The following CDH4 variants were observed in gnomAD, a reference collection of about 807,000 sequenced individuals.
CDH4 encodes the protein cadherin 4.
A neutral mutation model predicts 86.0 loss-of-function variants in CDH4; 33 were observed. That is an observed-to-expected ratio of 0.38 (90% CI 0.29 to 0.51). The LOEUF (loss-of-function observed/expected upper bound fraction) is 0.51, where lower values mean the gene tolerates loss of function less well. Ranked by LOEUF, CDH4 falls within the 20% of genes least tolerant of loss-of-function variation. The pLI, the probability that CDH4 is intolerant of heterozygous loss-of-function variation, is 0.86. For synonymous variants in CDH4, 555 were observed against 549.4 expected (o/e 1.01, Z -0.14); for missense variants, 1,114 against 1,307.4 (o/e 0.85, Z 2.28).
At chr20:61,762,051 A>G (rs1157733953) in intron 3 of CDH4, among the ~76,000 whole-genome samples, 1 of 152,234 alleles carries the variant, frequency 6.6e-6, no homozygotes, top group Non-Finnish European at 1.5e-5. Context: ...CCCAGGGCCC[A>G]CCTGGCTCTG....
At chr20:61,384,984 C>A (rs1245864105) in intron 2 of CDH4, among the ~76,000 whole-genome samples, 1 of 152,196 alleles carries the variant, frequency 6.6e-6, no homozygotes, top group African/African-American at 2.4e-5. Context: ...CATGGGATAT[C>A]ACTGGTGAGA....
intron 2 of CDH4, among the ~76,000 whole-genome samples, chr20:61,285,036 C>T (rs7264432): frequency 0.12 from 17,628 of 152,076 alleles, 1,099 homozygotes; most frequent in South Asian, 0.13. Flanking sequence ...TACTTTATGC[C>T]CCCATTTTTG....
At chr20:61,747,789 G>A (rs534431492) in intron 3 of CDH4, among the ~76,000 whole-genome samples, 50 of 152,286 alleles carry the variant, frequency 3.3e-4, no homozygotes, top group African/African-American at 1.2e-3. Flanking sequence ...CAGTAAGAAG[G>A]TCTAATGTGT....
At chr20:61,818,790 C>T (rs1445644093) in intron 4 of CDH4, among the ~76,000 whole-genome samples, 1 of 151,606 alleles carries the variant, frequency 6.6e-6, no homozygotes, top group South Asian at 2.1e-4. Context: ...GGATGGTGGG[C>T]GGAAAGGAGC....
chr20:61,653,886 TCCTCACTTCCTAGATGGGATGGC>T (rs1440573517), intron 2 of CDH4, among the ~76,000 whole-genome samples: 1 of 127,028 alleles, frequency 7.9e-6, no homozygotes, highest in Non-Finnish European at 1.8e-5. Context: ...GCAGAGACGC[TCCTCACTTCCTAGATGGGATGGC>T]GGCCGCGCAG....
chr20:61,502,058 A>C (rs796953166), intron 2 of CDH4, among the ~76,000 whole-genome samples: 20 of 150,350 alleles, frequency 1.3e-4, no homozygotes, highest in African/African-American at 4.9e-4. Context: ...TTTCATGGTC[A>C]AACTTGTGCA....
intron 8 of CDH4, among the ~76,000 whole-genome samples, chr20:61,897,431 A>G (rs1003973015): frequency 1.3e-5 from 2 of 151,926 alleles, no homozygotes; most frequent in Admixed American, 1.3e-4. Flanking sequence ...AGCACTGATC[A>G]GCCACCAGCG....
chr20:61,653,913 C>T lies in CDH4; in HGVS notation c.170-89650C>T, dbSNP rs1427108818. ...CTCACTTCCTAGATGGGATGGCGGC[C>T]GCGCAGAGACACTCCTCACTTTCCA... On this transcript the variant is annotated intron_variant, in intron 2 of 15. Transcript: ENST00000614565. Among the ~76,000 whole-genome samples the T allele has an allele frequency of 4.1e-5, 5 of 122,244 alleles. No individual in the cohort carries two copies. In the East Asian group the frequency reaches 1.1e-3, roughly 26 times the overall value. 80.2% of individuals were successfully genotyped at this position (122,244 alleles called of 152,430 possible). A position where few individuals can be genotyped will look rare whatever the true frequency, so the allele number is the denominator to read the frequency against.
chr20:61,895,624 A>G (rs1985068500), intron 8 of CDH4, among the ~76,000 whole-genome samples: 1 of 152,230 alleles, frequency 6.6e-6, no homozygotes, highest in Non-Finnish European at 1.5e-5. Context: ...GCTGTAAGGC[A>G]TGCAGCCCCC....
chr20:61,772,551 A>G (rs943358880), intron 3 of CDH4, among the ~76,000 whole-genome samples: 1 of 152,188 alleles, frequency 6.6e-6, no homozygotes. Context: ...TATGGTGACT[A>G]TTAACCTTGT....
In CDH4 at chr20:61,754,803, A is replaced by G. The variant is rs2088541420; in HGVS notation, c.396+11014A>G. Among the ~76,000 whole-genome samples, 1 of 144,328 alleles carries G rather than the reference A, an allele frequency of 6.9e-6. No homozygotes were observed. The highest frequency in any genetic ancestry group is 2.6e-5 in the African/African-American group (1 of 38,376). 94.7% of individuals were successfully genotyped at this position (144,328 alleles called of 152,430 possible). A position where few individuals can be genotyped will look rare whatever the true frequency, so the allele number is the denominator to read the frequency against. On this transcript the variant is annotated intron_variant, in intron 3 of 15. Transcript: ENST00000614565. This position sits in a 1 kb window ranked among gnomAD's most constrained non-coding sequence, Gnocchi z 4.7. The stretch of plus-strand genomic sequence containing the variant: ...CACACACACACTGCACGCCACACAC[A>G]CCACACACACGATGCATGCCACACA...
At chr20:61,583,934 G>A (rs1188464789) in intron 2 of CDH4, among the ~76,000 whole-genome samples, 2 of 152,164 alleles carry the variant, frequency 1.3e-5, no homozygotes, top group Admixed American at 6.5e-5. Flanking sequence ...TGAGGCGGGT[G>A]GATTGCTTGA....
chr20:61,865,496 G>C (rs951358753), intron 6 of CDH4, among the ~76,000 whole-genome samples: 1 of 151,636 alleles, frequency 6.6e-6, no homozygotes, highest in African/African-American at 2.4e-5. Flanking sequence ...TGGCATCCTG[G>C]GTGGTTAGTG....
chr20:61,488,365 C>T (rs536786632), intron 2 of CDH4, among the ~76,000 whole-genome samples: 13 of 152,112 alleles, frequency 8.5e-5, no homozygotes, highest in East Asian at 5.8e-4. Flanking sequence ...CACAATAATT[C>T]ATTTGTTCAG....
At chr20:61,908,079 C>A (rs1364851220) in intron 8 of CDH4, among the ~76,000 whole-genome samples, 1 of 152,292 alleles carries the variant, frequency 6.6e-6, no homozygotes, top group East Asian at 1.9e-4. Flanking sequence ...CAGCTTAGAG[C>A]CCCAGGTCGA....
At chr20:61,619,014 C>T (rs2086748143) in intron 2 of CDH4, among the ~76,000 whole-genome samples, 1 of 152,198 alleles carries the variant, frequency 6.6e-6, no homozygotes, top group South Asian at 2.1e-4. Context: ...GTTCACTGCC[C>T]TCTTCCTTTC....
intron 7 of CDH4, among the ~76,000 whole-genome samples, chr20:61,886,832 G>A (rs1349826702): frequency 6.6e-6 from 1 of 152,204 alleles, no homozygotes; most frequent in African/African-American, 2.4e-5. Flanking sequence ...ACACAGCGAG[G>A]CCTGTTGGGG....
intron 2 of CDH4, among the ~76,000 whole-genome samples, chr20:61,337,387 GATAATAAAACT>G (rs2123276373): frequency 6.6e-6 from 1 of 151,902 alleles, no homozygotes; most frequent in Non-Finnish European, 1.5e-5. Flanking sequence ...TAATGATAAT[GATAATAAAACT>G]GATGGAGATC....
chr20:61,586,843 A>C (rs1022089003), intron 2 of CDH4, among the ~76,000 whole-genome samples: 1 of 152,214 alleles, frequency 6.6e-6, no homozygotes, highest in African/African-American at 2.4e-5. Flanking sequence ...ATTAAATAAC[A>C]GTTCAAAAAA....
Sources: allele counts gnomAD v4.1 joint callset (sites outside exome capture counted in the v4.1 genomes callset), GRCh38; gene constraint gnomAD v4.1.1; non-coding constraint Gnocchi (gnomAD v3.1); transcripts MANE v1.5; gene names NCBI Gene and HGNC (gene_info 2026-07-23, HGNC 2026-07-21).